The following PLD5 variants were observed in gnomAD, a reference collection of about 807,000 sequenced individuals.
The protein encoded by PLD5 is inactive phospholipase D5.
A neutral mutation model predicts 61.1 loss-of-function variants in PLD5; 36 were observed. The observed-to-expected ratio is 0.59, with a 90% CI of 0.45 to 0.78. The LOEUF (loss-of-function observed/expected upper bound fraction) is 0.78. PLD5 is among the 30% of genes least tolerant of loss of function. PLD5 has a pLI of 0.00. For missense variants in PLD5, 515 were observed against 644.4 expected (o/e 0.80, Z 2.17); for synonymous variants, 243 against 242.8 (o/e 1.00, Z -0.01).
chr1:242,234,090 C>G (rs1015925688), intron 4 of PLD5, among the ~76,000 whole-genome samples: 3 of 152,150 alleles, frequency 2.0e-5, no homozygotes, highest in African/African-American at 7.2e-5. Flanking sequence ...TTTGTTCCTT[C>G]CTTTGAGAAC....
In PLD5 at chr1:242,392,582, C is replaced by T. The variant is rs148674802; in HGVS notation, c.190-44340G>A. Among the ~76,000 whole-genome samples, 589 of 152,232 alleles carry T rather than the reference C, an allele frequency of 3.9e-3. 1 individual carries two copies. Among genetic ancestry groups the T allele is most frequent in the Non-Finnish European group, 5.2e-3 (351 of 68,026 alleles). On this transcript the variant is annotated intron_variant, in intron 1 of 9. Coordinates refer to ENST00000536534, the MANE Select transcript of PLD5 (RefSeq NM_001372062.1). ...CCATCTTGTCCATGGCAGCACTGCT[C>T]CTCAGAGGAAAAACCTGTCTGGATG...
chr1:242,110,808 TCACACACA>T (rs111464015), intron 7 of PLD5, among the ~76,000 whole-genome samples: 1 of 150,064 alleles, frequency 6.7e-6, no homozygotes, highest in South Asian at 2.1e-4. Context: ...AAACTCTGTC[TCACACACA>T]CACACACACA....
intron 6 of PLD5, among the ~76,000 whole-genome samples, chr1:242,121,683 A>G (rs1662369471): frequency 6.6e-6 from 1 of 152,104 alleles, no homozygotes; most frequent in Non-Finnish European, 1.5e-5. Context: ...AAAGACTTGG[A>G]ACCAACCCAA....
chr1:242,166,306 C>A (rs976208740), intron 5 of PLD5, among the ~76,000 whole-genome samples: 1 of 152,206 alleles, frequency 6.6e-6, no homozygotes, highest in African/African-American at 2.4e-5. Flanking sequence ...TGTCCTCCAG[C>A]CAAAAGAAGC....
chr1:242,130,134 C>A (rs774262891), intron 5 of PLD5, among the ~76,000 whole-genome samples: 16 of 151,874 alleles, frequency 1.1e-4, no homozygotes, highest in Non-Finnish European at 1.8e-4. Flanking sequence ...TCACTGCAAC[C>A]TCTGCCTCCC....
intron 1 of PLD5, among the ~76,000 whole-genome samples, chr1:242,414,154 G>A (rs1489786570): frequency 6.6e-6 from 1 of 152,150 alleles, no homozygotes; most frequent in Non-Finnish European, 1.5e-5. Context: ...AAATAATTAG[G>A]AGACAAATTG....
intron 5 of PLD5, among the ~76,000 whole-genome samples, chr1:242,161,920 G>T (rs1374468633): frequency 6.6e-6 from 1 of 152,174 alleles, no homozygotes; most frequent in East Asian, 1.9e-4. Context: ...GATGACACTG[G>T]ATCCTTGCAA....
chr1:242,137,007 C>T (rs564651860), intron 5 of PLD5, among the ~76,000 whole-genome samples: 1 of 152,248 alleles, frequency 6.6e-6, no homozygotes, highest in South Asian at 2.1e-4. Flanking sequence ...CTATTGTTTC[C>T]CCATGAATAT....
intron 6 of PLD5, among the ~76,000 whole-genome samples, chr1:242,123,166 G>C (rs1250042005): frequency 6.6e-6 from 1 of 152,130 alleles, no homozygotes; most frequent in Non-Finnish European, 1.5e-5. Flanking sequence ...ACAGGTTCTT[G>C]AATACTATGA....
At chr1:242,296,254 T>C (rs900649155) in intron 2 of PLD5, among the ~76,000 whole-genome samples, 1 of 152,228 alleles carries the variant, frequency 6.6e-6, no homozygotes, top group Non-Finnish European at 1.5e-5. Flanking sequence ...TTGGTTTAAG[T>C]TCCTTATAAA....
intron 1 of PLD5, among the ~76,000 whole-genome samples, chr1:242,478,941 T>C (rs1406483736): frequency 6.6e-6 from 1 of 152,230 alleles, no homozygotes; most frequent in East Asian, 1.9e-4. Context: ...GAATACTAGT[T>C]ATTAAATGGA....
At chr1:242,257,049 T>TATCTATCA (rs1160528466) in intron 4 of PLD5, among the ~76,000 whole-genome samples, 2 of 149,262 alleles carry the variant, frequency 1.3e-5, no homozygotes, top group Admixed American at 6.7e-5. Flanking sequence ...TCTATCTATC[T>TATCTATCA]ATCTATCTAT....
chr1:242,198,124 TAGGGAAATGATACTTGTAGC>T (rs934363529), intron 5 of PLD5, among the ~76,000 whole-genome samples: 1 of 151,254 alleles, frequency 6.6e-6, no homozygotes, highest in Non-Finnish European at 1.5e-5. Flanking sequence ...ATGGAAATAA[TAGGGAAATGATACTTGTAGC>T]AGGGAAATGA....
intron 1 of PLD5, among the ~76,000 whole-genome samples, chr1:242,496,326 C>T (rs908047825): frequency 1.3e-5 from 2 of 152,202 alleles, no homozygotes; most frequent in Non-Finnish European, 2.9e-5. Context: ...TAATACTCCA[C>T]ACAATTACTC....
At chr1:242,377,024 C>T in intron 1 of PLD5, 2 of 1,611,792 alleles carry the variant, frequency 1.2e-6, no homozygotes, top group South Asian at 2.2e-5. Flanking sequence ...TTTTTGCGCA[C>T]ACTTTGCACT....
chr1:242,108,266 A>T (rs1661219090), intron 7 of PLD5, among the ~76,000 whole-genome samples: 1 of 149,328 alleles, frequency 6.7e-6, no homozygotes, highest in South Asian at 2.1e-4. Flanking sequence ...CCCGAAATGA[A>T]CTTACGCTCT....
intron 4 of PLD5, among the ~76,000 whole-genome samples, chr1:242,222,517 C>T (rs1488401123): frequency 1.3e-5 from 2 of 152,228 alleles, no homozygotes; most frequent in Non-Finnish European, 2.9e-5. Context: ...CCCTCTGTGA[C>T]ACTGACTGGC....
At chr1:242,489,771 T>C (rs1232158108) in intron 1 of PLD5, among the ~76,000 whole-genome samples, 5 of 152,218 alleles carry the variant, frequency 3.3e-5, no homozygotes, top group Non-Finnish European at 7.3e-5. Context: ...GTATTTGTGT[T>C]GGCTCTTACA....
chr1:242,319,675 T>C (rs983035962), intron 2 of PLD5, among the ~76,000 whole-genome samples: 2 of 152,240 alleles, frequency 1.3e-5, no homozygotes, highest in African/African-American at 4.8e-5. Context: ...AATTCATCGT[T>C]AATCTTCTCA....
Sources: allele counts gnomAD v4.1 joint callset (sites outside exome capture counted in the v4.1 genomes callset), GRCh38; gene constraint gnomAD v4.1.1; transcripts MANE v1.5; gene names NCBI Gene and HGNC (gene_info 2026-07-23, HGNC 2026-07-21).